The following GPC6 variants were observed in gnomAD, a reference collection of about 807,000 sequenced individuals.
The protein encoded by GPC6 is glypican-6.
A neutral mutation model predicts 55.2 loss-of-function variants in GPC6; 14 were observed. The ratio of observed to expected loss-of-function variants is 0.25; its 90% CI spans 0.17 to 0.40. The LOEUF is 0.40. GPC6 is among the 10% of genes least tolerant of loss of function. The pLI is 1.00. For synonymous variants in GPC6, 278 were observed against 259.6 expected, an observed-to-expected ratio of 1.07 and a Z score of -0.68; for missense variants, 641 against 708.5, an observed-to-expected ratio of 0.90 and a Z score of 1.08.
At chr13:93,819,491 T>C (rs1455615835) in intron 2 of GPC6, among the ~76,000 whole-genome samples, 1 of 152,184 alleles carries the variant, frequency 6.6e-6, no homozygotes, top group Non-Finnish European at 1.5e-5. Context: ...ATACTTTAGG[T>C]GCATAAAGGG....
At chr13:93,812,142 T>TGGGGG (rs35966772) in intron 2 of GPC6, among the ~76,000 whole-genome samples, 8 of 73,812 alleles carry the variant, frequency 1.1e-4, no homozygotes, top group South Asian at 5.2e-4. Context: ...TGCAAGGCGG[T>TGGGGG]GGGGGGGGGG....
chr13:94,020,080 T>C (rs1185964046), intron 3 of GPC6, among the ~76,000 whole-genome samples: 2 of 152,130 alleles, frequency 1.3e-5, no homozygotes, highest in Non-Finnish European at 2.9e-5. Flanking sequence ...GTTTTTTCCT[T>C]TTTTTCTAGT....
chr13:93,621,532 T>G (rs1199487678), intron 2 of GPC6, among the ~76,000 whole-genome samples: 1 of 152,182 alleles, frequency 6.6e-6, no homozygotes. Flanking sequence ...AATCAGAAGT[T>G]CCTGGGTGGA....
rs577397227 is a variant in GPC6 at position 93,869,541 on chromosome 13, C to T, written c.711+38996C>T. On this transcript the variant is annotated intron_variant, in intron 3 of 8. Transcript: ENST00000377047. ...TCCTTGGTGCTATTGTCAACTGTTA[C>T]TTCTAAAATACAAATGCTTCATAAG... Among the ~76,000 whole-genome samples, 7 of 152,000 alleles carry T rather than the reference C, an allele frequency of 4.6e-5. No individual in the cohort carries two copies. In the South Asian group the frequency reaches 1.5e-3, roughly 32 times the overall value.
chr13:93,481,737 G>T (rs1007261199), intron 1 of GPC6, among the ~76,000 whole-genome samples: 1 of 151,936 alleles, frequency 6.6e-6, no homozygotes, highest in Non-Finnish European at 1.5e-5. Flanking sequence ...TTAGCCATAC[G>T]GACAAGGATT....
intron 3 of GPC6, among the ~76,000 whole-genome samples, chr13:94,026,673 A>C (rs758947783): frequency 6.6e-6 from 1 of 152,068 alleles, no homozygotes; most frequent in Non-Finnish European, 1.5e-5. Context: ...GCACTGCCCG[A>C]GAGTATAATT....
In GPC6 at chr13:93,416,802, C is replaced by T. The variant is rs137860070; in HGVS notation, c.161-128461C>T. Among the ~76,000 whole-genome samples, 835 of 152,076 alleles carry T rather than the reference C, an allele frequency of 5.5e-3. 9 individuals carry two copies. Among genetic ancestry groups the T allele is most frequent in the African/African-American group, 0.019 (797 of 41,504 alleles). On this transcript the variant is annotated intron_variant, in intron 1 of 8. Coordinates refer to ENST00000377047, the MANE Select transcript of GPC6 (RefSeq NM_005708.5). ...ACTTGGTGAAGGACACAGGGCAACCCCCCTGTTATTATAGAAAAAAACACT... is the reference window on the plus strand; with the variant it reads ...ACTTGGTGAAGGACACAGGGCAACCTCCCTGTTATTATAGAAAAAAACACT...
In GPC6 at chr13:93,227,484, C is replaced by T; in HGVS notation, c.28C>T (p.Leu10Phe). The T allele has an allele frequency of 6.2e-7, 1 of 1,613,932 alleles. No individual in the cohort carries two copies. Among genetic ancestry groups the T allele is most frequent in the Non-Finnish European group, 8.5e-7 (1 of 1,179,882 alleles). Reference protein sequence around the residue: MPSWIGAVILPLLGLLLSLP... With the variant: MPSWIGAVIFPLLGLLLSLP... ...GCCTTCTTGGATCGGGGCTGTGATT[C>T]TTCCCCTCTTGGGGCTGCTGCTCTC... is the stretch of plus-strand genomic sequence containing the variant. The change falls in exon 1 of 9, where the codon CTT becomes TTT. Residue 10 changes from leucine (L) to phenylalanine (F), a missense_variant. Physicochemically the swap from Leu to Phe is conservative, Grantham distance 22. Transcript: ENST00000377047. This position sits in a 1 kb window ranked among gnomAD's most constrained non-coding sequence, Gnocchi z 4.3.
intron 3 of GPC6, among the ~76,000 whole-genome samples, chr13:93,999,606 T>C (rs1881710292): frequency 6.6e-6 from 1 of 152,222 alleles, no homozygotes; most frequent in Non-Finnish European, 1.5e-5. Flanking sequence ...ATCCCTGTTG[T>C]TGCAAATGGC....
At chr13:93,674,382 CCTAT>C (rs1310588818) in intron 2 of GPC6, among the ~76,000 whole-genome samples, 2 of 152,108 alleles carry the variant, frequency 1.3e-5, no homozygotes, top group Non-Finnish European at 2.9e-5. Flanking sequence ...AATTTTATGT[CCTAT>C]CTTTGACTTT....
At chr13:93,388,914 C>T (rs9589727) in intron 1 of GPC6, among the ~76,000 whole-genome samples, 2,151 of 152,242 alleles carry the variant, frequency 0.014, 59 homozygotes, top group African/African-American at 0.048. Flanking sequence ...AGTGAATGCA[C>T]AGCGTTGCCA....
chr13:93,409,347 A>C (rs1378360771), intron 1 of GPC6, among the ~76,000 whole-genome samples: 1 of 152,186 alleles, frequency 6.6e-6, no homozygotes, highest in Non-Finnish European at 1.5e-5. Flanking sequence ...TTGAAACTTG[A>C]AACAGAAAGA....
chr13:93,894,677 C>A (rs2140321112), intron 3 of GPC6, among the ~76,000 whole-genome samples: 1 of 152,194 alleles, frequency 6.6e-6, no homozygotes, highest in South Asian at 2.1e-4. Flanking sequence ...TGGTTTCCCC[C>A]AGCCTGAGCA....
intron 6 of GPC6, among the ~76,000 whole-genome samples, chr13:94,360,144 A>G (rs754981407): frequency 5.9e-5 from 9 of 152,200 alleles, no homozygotes; most frequent in Non-Finnish European, 1.3e-4. Context: ...TGAATAAAAA[A>G]TCCAGAAGGG....
intron 4 of GPC6, among the ~76,000 whole-genome samples, chr13:94,252,691 G>A (rs1891392073): frequency 1.3e-5 from 2 of 152,032 alleles, no homozygotes; most frequent in African/African-American, 4.8e-5. Flanking sequence ...TTTATAAATT[G>A]AATGATGGAA....
chr13:94,315,284 G>C lies in GPC6; in HGVS notation c.1152+9161G>C, dbSNP rs150053976. Among the ~76,000 whole-genome samples, 145 of 152,298 alleles carry C rather than the reference G, an allele frequency of 9.5e-4. 1 individual carries two copies. In the East Asian group the frequency reaches 0.026, roughly 27 times the overall value. Reference sequence around the variant, plus strand: ...ATCCAGATGGACCAGGCCAGGCAAGGCCACACCTATAAACAGTCCCCAAAA... The same window carrying C: ...ATCCAGATGGACCAGGCCAGGCAAGCCCACACCTATAAACAGTCCCCAAAA... On this transcript the variant is annotated intron_variant, in intron 6 of 8. Coordinates refer to ENST00000377047, the MANE Select transcript of GPC6 (RefSeq NM_005708.5).
At chr13:93,399,862 T>C (rs898335230) in intron 1 of GPC6, among the ~76,000 whole-genome samples, 1 of 152,134 alleles carries the variant, frequency 6.6e-6, no homozygotes, top group African/African-American at 2.4e-5. Flanking sequence ...TGCAGAGGAC[T>C]GCATGTGTGT....
At chr13:93,409,424 T>C (rs140292179) in intron 1 of GPC6, among the ~76,000 whole-genome samples, 143 of 152,310 alleles carry the variant, frequency 9.4e-4, no homozygotes, top group Non-Finnish European at 1.8e-3. Flanking sequence ...ATCTTCCATC[T>C]TTAGCTAACG....
intron 1 of GPC6, among the ~76,000 whole-genome samples, chr13:93,416,417 A>C (rs1876698379): frequency 6.6e-6 from 1 of 152,042 alleles, no homozygotes; most frequent in Non-Finnish European, 1.5e-5. Context: ...ATTTTTGTGA[A>C]TACACAGTAG....
Sources: gnomAD v4.1 joint callset for allele counts (sites outside exome capture counted in the v4.1 genomes callset) on GRCh38, gnomAD v4.1.1 for gene constraint, Gnocchi (gnomAD v3.1) non-coding constraint, MANE v1.5 for transcripts, NCBI Gene and HGNC (gene_info 2026-07-23, HGNC 2026-07-21) for gene names.